Variants in POLA1 observed in about 807,000 individuals in gnomAD.
The protein encoded by POLA1 is DNA polymerase alpha catalytic subunit.
In POLA1, 15 loss-of-function variants were observed where a neutral mutation model predicts 124.0. The ratio of observed to expected loss-of-function variants is 0.12; its 90% CI spans 0.08 to 0.19. The LOEUF is 0.19. Ranked by LOEUF, POLA1 falls within the 10% of genes least tolerant of loss-of-function variation. The pLI, the probability that POLA1 is intolerant of heterozygous loss-of-function variation, is 1.00. For missense variants in POLA1, 886 were observed against 1,103.4 expected (o/e 0.80, Z 2.79); for synonymous variants, 408 against 389.4 (o/e 1.05, Z -0.56).
At chrX:24,861,975 CTTTTTT>C (rs748901565) in intron 34 of POLA1, among the ~76,000 whole-genome samples, 2 of 111,291 alleles carry the variant, frequency 1.8e-5, no homozygotes, top group Admixed American at 1.9e-4. Flanking sequence ...TATATGCACA[CTTTTTT>C]TTAAGTCAGG....
At chrX:24,909,664 T>G (rs1360893713) in intron 35 of POLA1, among the ~76,000 whole-genome samples, 2 of 111,584 alleles carry the variant, frequency 1.8e-5, no homozygotes, top group Non-Finnish European at 1.9e-5. Flanking sequence ...TGAAGTCAGG[T>G]AGCGTGATGC....
chrX:24,923,903 A>G (rs1018611902), intron 35 of POLA1, among the ~76,000 whole-genome samples: 10 of 112,167 alleles, frequency 8.9e-5, no homozygotes, highest in African/African-American at 3.2e-4. Context: ...TGGCAGGGAA[A>G]ACAGGAAAGT....
In POLA1 at chrX:24,788,260, A is replaced by T. The variant is rs538382410; in HGVS notation, c.2965-21638A>T. On this transcript the variant is annotated intron_variant, in intron 26 of 36. Transcript: ENST00000379068. The stretch of plus-strand genomic sequence containing the variant: ...ATGACAAGCCCACAGCTAACATCAT[A>T]CACAACAGTGAAAAGCAGAAAGCTT... 282 of 681,758 alleles carry T rather than the reference A, an allele frequency of 4.1e-4. 2 individuals carry two copies. The South Asian group carries it at 8.4e-3, about 20-fold the overall frequency. 56.2% of individuals were successfully genotyped at this position (681,758 alleles called of 1,213,427 possible).
intron 36 of POLA1, among the ~76,000 whole-genome samples, chrX:24,977,469 AC>A (rs1285397081): frequency 9.0e-6 from 1 of 110,853 alleles, no homozygotes; most frequent in Non-Finnish European, 1.9e-5. Flanking sequence ...CTTGTTAGAC[AC>A]TTGGAGGATT....
chrX:24,938,592 A>G (rs1601889994), intron 36 of POLA1, among the ~76,000 whole-genome samples: 2 of 112,373 alleles, frequency 1.8e-5, no homozygotes, highest in African/African-American at 6.5e-5. Flanking sequence ...TGGAAACAAG[A>G]TTCTATTTCT....
rs1441934361 is a variant in POLA1 at position 24,806,052 on chromosome X, G to A, written c.2965-3846G>A. Among the ~76,000 whole-genome samples, 4 of 43,634 alleles carry A rather than the reference G, an allele frequency of 9.2e-5. No homozygotes were observed. In the Admixed American group the frequency reaches 1.5e-3, roughly 16 times the overall value. 37.9% of individuals were successfully genotyped at this position (43,634 alleles called of 115,157 possible). A position where few individuals can be genotyped will look rare whatever the true frequency, so the allele number is the denominator to read the frequency against. On this transcript the variant is annotated intron_variant, in intron 26 of 36. Transcript: ENST00000379068. ...CTTCTAGAACATTTATGTGGTATGA[G>A]GTTTTTTTTTTTTTTTTTTTTTTTT...
chrX:24,737,487 C>T (rs1393626226), intron 18 of POLA1, 138 bp from the exon 19 acceptor site: 1 of 427,176 alleles, frequency 2.3e-6, no homozygotes, highest in Non-Finnish European at 4.1e-6. Context: ...AGAAAGGACC[C>T]CCAATCGGAG....
At chrX:24,696,474 CT>C (rs1016694683) in intron 1 of POLA1, among the ~76,000 whole-genome samples, 2 of 111,958 alleles carry the variant, frequency 1.8e-5, no homozygotes, top group African/African-American at 6.5e-5. Flanking sequence ...CTTGTAGAAT[CT>C]TTTAAAACCC....
intron 36 of POLA1, among the ~76,000 whole-genome samples, chrX:24,995,182 GT>G (rs997876704): frequency 8.9e-6 from 1 of 112,125 alleles, no homozygotes; most frequent in African/African-American, 3.2e-5. Context: ...GGATGAATGG[GT>G]TAAAGGAGCA....
At chrX:24,950,438 C>G (rs944271917) in intron 36 of POLA1, among the ~76,000 whole-genome samples, 5 of 112,235 alleles carry the variant, frequency 4.5e-5, no homozygotes, top group Admixed American at 9.4e-5. Context: ...TTGGGCAACA[C>G]AGGACTCCAG....
intron 36 of POLA1, among the ~76,000 whole-genome samples, chrX:24,939,748 G>A (rs1434320822): frequency 2.7e-5 from 3 of 111,524 alleles, no homozygotes; most frequent in African/African-American, 6.5e-5. Context: ...TTTGTCCCTT[G>A]TGATTTAAAA....
chrX:24,752,562 A>G (rs1367257155), intron 26 of POLA1, among the ~76,000 whole-genome samples: 1 of 112,130 alleles, frequency 8.9e-6, no homozygotes, highest in Non-Finnish European at 1.9e-5. Flanking sequence ...AAGGGGTATC[A>G]GTTGTCAAAT....
intron 26 of POLA1, among the ~76,000 whole-genome samples, chrX:24,753,056 G>A (rs976673549): frequency 2.7e-5 from 3 of 109,554 alleles, no homozygotes; most frequent in Non-Finnish European, 5.7e-5. Context: ...CTGTTGCCCA[G>A]GCTGGAGTGC....
chrX:24,748,833 ATGT>A (rs1252878130), intron 25 of POLA1, 34 bp from the exon 26 acceptor site: 4 of 1,195,120 alleles, frequency 3.3e-6, no homozygotes, highest in Admixed American at 2.2e-5. Context: ...CCATCTGTAA[ATGT>A]TGTTGTTTGT....
At chrX:24,851,002 C>G (rs140508657) in intron 34 of POLA1, among the ~76,000 whole-genome samples, 2 of 111,941 alleles carry the variant, frequency 1.8e-5, no homozygotes, top group East Asian at 5.6e-4. Context: ...GTCTTATGCT[C>G]TCCCTCTCAC....
At position 24,735,483 on chromosome X, in the gene POLA1, A is replaced by G. The variant is rs755128571; in HGVS notation, c.1918A>G (p.Ile640Val). The G allele has an allele frequency of 3.3e-5, 37 of 1,123,327 alleles. No individual in the cohort carries two copies. Among genetic ancestry groups the G allele is most frequent in the Non-Finnish European group, 3.8e-5 (31 of 814,932 alleles). The allele number at this position is 1,123,327 out of a possible 1,213,427, so 92.6% of individuals were successfully genotyped here. The part of the protein sequence containing the change: ...AKVHKIDPDI[I>V]VGHNIYGFEL... ...AGTTCACAAAATTGATCCTGATATC[A>G]TTGTGGTGAGTAGATGTTTGATCAT... is the stretch of plus-strand genomic sequence containing the variant. The change falls in exon 18 of 37, where the codon ATT becomes GTT. Residue 640 changes from isoleucine (I) to valine (V), a missense_variant. Ile to Val is a conservative substitution (Grantham distance 29). This residue lies in a region of POLA1 where 182 missense variants were observed against 252.8 expected (regional missense o/e 0.72). Transcript: ENST00000379068.
At chrX:24,864,756 G>T (rs1301070213) in intron 34 of POLA1, among the ~76,000 whole-genome samples, 1 of 107,885 alleles carries the variant, frequency 9.3e-6, no homozygotes, top group African/African-American at 3.4e-5. Flanking sequence ...AATCCCTAAA[G>T]AACTTTAAAA....
intron 32 of POLA1, among the ~76,000 whole-genome samples, chrX:24,835,650 C>G (rs1288562457): frequency 9.1e-6 from 1 of 110,080 alleles, no homozygotes; most frequent in East Asian, 2.8e-4. Flanking sequence ...CTGGAGTTTA[C>G]TGATCACATC....
At chrX:24,801,369 A>C (rs1302631605) in intron 26 of POLA1, among the ~76,000 whole-genome samples, 1 of 111,972 alleles carries the variant, frequency 8.9e-6, no homozygotes, top group African/African-American at 3.3e-5. Flanking sequence ...GACCACTAGG[A>C]GTTTTCCTCC....
Sources: allele counts gnomAD v4.1 joint callset (sites outside exome capture counted in the v4.1 genomes callset), GRCh38; gene constraint gnomAD v4.1.1; regional missense constraint gnomAD v4.1.1; transcripts MANE v1.5; gene names NCBI Gene and HGNC (gene_info 2026-07-23, HGNC 2026-07-21).